APOL1: variants seen among roughly 807,000 people sequenced by gnomAD.
APOL1 encodes the protein apolipoprotein L 1.
Under a neutral mutation model 14.9 loss-of-function variants are expected in APOL1, and 17 were observed. That is an observed-to-expected ratio of 1.14 (90% CI 0.78 to 1.71). The LOEUF is 1.71. Among genes scored for constraint, APOL1 ranks in the 40% most tolerant of loss-of-function variants. The pLI is 0.00. For missense variants in APOL1, 523 were observed against 485.9 expected, an observed-to-expected ratio of 1.08 and a Z score of -0.72; for synonymous variants, 195 against 184.8, an observed-to-expected ratio of 1.05 and a Z score of -0.45.
At chr22:36,254,235 A>AG (rs1037314804) in intron 1 of APOL1, among the ~76,000 whole-genome samples, 2 of 151,886 alleles carry the variant, frequency 1.3e-5, no homozygotes, top group Non-Finnish European at 1.5e-5. Context: ...CCATGAAATC[A>AG]GGGGGGTAAT....
At chr22:36,260,398 A>C (rs9622362) in intron 4 of APOL1, among the ~76,000 whole-genome samples, 23,009 of 151,890 alleles carry the variant, frequency 0.15, 5,958 homozygotes, top group African/African-American at 0.53. Context: ...CCATCCCCCC[A>C]AAAAAAAGAA....
intron 4 of APOL1, chr22:36,259,871 T>G: frequency 7.7e-7 from 1 of 1,303,968 alleles, no homozygotes; most frequent in South Asian, 1.2e-5. Flanking sequence ...TTGTACTCAA[T>G]GCTGTGGAGT....
In APOL1 at chr22:36,265,498, C is replaced by G. The variant is rs770867795; in HGVS notation, c.662C>G (p.Thr221Ser). The G allele has an allele frequency of 1.2e-6, 2 of 1,613,970 alleles. No homozygotes were observed. Among genetic ancestry groups the G allele is most frequent in the Admixed American group, 3.3e-5 (2 of 59,992 alleles). ...GMELGITAAL[T>S]GITSSTMDYG... is the part of the protein sequence containing the mutation. The stretch of plus-strand genomic sequence containing the variant: ...GAGTTGGGAATCACAGCCGCTTTGA[C>G]CGGGATTACCAGCAGTACCATGGAC... Residue 221 changes from threonine (T) to serine (S), a missense_variant, in exon 6 of 6, where the codon ACC (threonine) becomes AGC (serine). Thr to Ser is a moderately conservative substitution (Grantham distance 58). Transcript: ENST00000397278.
At position 36,266,030 on chromosome 22, in the gene APOL1, G is replaced by A; in HGVS notation, c.1194G>A (p.Leu398=). ...AGATTCTGCAGGCGGACCAAGAACTGTGACCACAGGGCAGGGCAGCCACCA... is the reference window on the plus strand; with the variant it reads ...AGATTCTGCAGGCGGACCAAGAACTATGACCACAGGGCAGGGCAGCCACCA... The part of the protein sequence containing the change: ...NYKILQADQE[L] Residue 398 remains leucine (L), a synonymous_variant, in exon 6 of 6, where the codon CTG becomes CTA. Coordinates refer to ENST00000397278, the MANE Select transcript of APOL1 (RefSeq NM_003661.4). 6.2e-7 allele frequency: 1 copy of A among 1,602,092 alleles called. No homozygotes were observed. Among genetic ancestry groups the A allele is most frequent in the African/African-American group, 1.3e-5 (1 of 74,792 alleles).
In APOL1 at chr22:36,253,891, G is replaced by A. The variant is rs988183888; in HGVS notation, c.-20+672G>A. 4.8e-5 allele frequency: 77 copies of A among 1,587,942 alleles called. No homozygotes were observed. In the East Asian group the frequency reaches 6.0e-4, roughly 12 times the overall value. ...CTGTGCTGTGTCCCTAATGGGAAAC[G>A]TGGCTGAGACAGGGGAGTGAGAAGG... On this transcript the variant is annotated intron_variant, in intron 1 of 5. Transcript: ENST00000397278.
At chr22:36,256,578 G>A (rs943505723) in intron 2 of APOL1, among the ~76,000 whole-genome samples, 19 of 152,194 alleles carry the variant, frequency 1.2e-4, no homozygotes, top group Non-Finnish European at 8.8e-5. Flanking sequence ...GAATCTTAGA[G>A]AAGCAACGGG....
At chr22:36,254,827 C>T (rs987516961) in intron 1 of APOL1, 110 bp from the exon 2 acceptor site, 21 of 1,417,844 alleles carry the variant, frequency 1.5e-5, no homozygotes, top group African/African-American at 1.4e-4. Flanking sequence ...CGCCCCACTG[C>T]ACTCCAGCCT....
In APOL1 at chr22:36,266,079, C is replaced by G. The variant is rs771169955; in HGVS notation, c.*46C>G. The G allele has an allele frequency of 6.5e-7, 1 of 1,530,840 alleles. No homozygotes were observed. The highest frequency in any genetic ancestry group is 8.7e-7 in the Non-Finnish European group (1 of 1,143,200). 94.8% of individuals were successfully genotyped at this position (1,530,840 alleles called of 1,614,324 possible). ...CAGGAGAGATATGCCTGGCAGGGGCCAGGACAAAATGCAAACTTTTTTTTT... is the reference window on the plus strand; with the variant it reads ...CAGGAGAGATATGCCTGGCAGGGGCGAGGACAAAATGCAAACTTTTTTTTT... On this transcript the variant is annotated 3_prime_UTR_variant, in exon 6 of 6. Coordinates refer to ENST00000397278, the MANE Select transcript of APOL1 (RefSeq NM_003661.4).
Position 36,265,445 on chromosome 22 carries a change from C to A in APOL1, c.609C>A (p.Gly203=), listed in dbSNP as rs1416268394. ...GMGLAPFTEG[G]SLVLLEPGME... ...GTCTGGCACCCTTCACAGAGGGAGG[C>A]AGCCTTGTACTCTTGGAACCTGGGA... Residue 203 remains glycine, a synonymous_variant, in exon 6 of 6, where the codon GGC becomes GGA. Transcript: ENST00000397278. The A allele has an allele frequency of 6.2e-7, 1 of 1,614,158 alleles. No homozygotes were observed. Among genetic ancestry groups the A allele is most frequent in the African/African-American group, 1.3e-5 (1 of 75,024 alleles).
Position 36,265,968 on chromosome 22 carries a change from C to T in APOL1, c.1132C>T (p.Leu378=). The change falls in exon 6 of 6, where the codon CTG becomes TTG. Residue 378 remains leucine (L), a synonymous_variant. Coordinates refer to ENST00000397278, the MANE Select transcript of APOL1 (RefSeq NM_003661.4). Reference sequence around the variant, plus strand: ...GGAGCTGAAGAAGGTGGCTCAGGAGCTGGAGGAGAAGCTAAACATTCTCAA... The same window carrying T: ...GGAGCTGAAGAAGGTGGCTCAGGAGTTGGAGGAGAAGCTAAACATTCTCAA... The part of the protein sequence containing the change: ...AEELKKVAQE[L]EEKLNILNNN... 2.5e-6 allele frequency: 4 copies of T among 1,613,898 alleles called. No individual in the cohort carries two copies. Among genetic ancestry groups the T allele is most frequent in the Non-Finnish European group, 3.4e-6 (4 of 1,179,996 alleles).
Position 36,265,348 on chromosome 22 carries a change from G to A in APOL1, c.512G>A (p.Gly171Asp). Residue 171 changes from glycine to aspartate, a missense_variant, in exon 6 of 6, where the codon GGC (glycine) becomes GAC (aspartate). Coordinates refer to ENST00000397278, the MANE Select transcript of APOL1 (RefSeq NM_003661.4). ...LADGVQKVHK[G>D]TTIANVVSGS... ...GATGGGGTTCAGAAGGTCCACAAAG[G>A]CACCACCATCGCCAATGTGGTGTCT... The A allele has an allele frequency of 6.2e-7, 1 of 1,611,582 alleles. No individual in the cohort carries two copies. The highest frequency in any genetic ancestry group is 8.5e-7 in the Non-Finnish European group (1 of 1,178,452).
chr22:36,253,523 T>C (rs976244972), intron 1 of APOL1, among the ~76,000 whole-genome samples: 1 of 152,032 alleles, frequency 6.6e-6, no homozygotes, highest in African/African-American at 2.4e-5. Flanking sequence ...TTTGGGAAAT[T>C]TGAAGGAACC....
Position 36,266,851 on chromosome 22 carries a change from G to A in APOL1, c.*818G>A, listed in dbSNP as rs1447324416. 1 of 255,914 alleles carries A rather than the reference G, an allele frequency of 3.9e-6. No homozygotes were observed. Among genetic ancestry groups the A allele is most frequent in the Non-Finnish European group, 7.4e-6 (1 of 135,892 alleles). 15.9% of individuals were successfully genotyped at this position (255,914 alleles called of 1,614,324 possible). ...ACCTGGGAGGTGGAGCTTGCAGTGA[G>A]CCGAGATATCGCCACTGCACTCCAG... On this transcript the variant is annotated 3_prime_UTR_variant, in exon 6 of 6. Transcript: ENST00000397278.
At position 36,253,825 on chromosome 22, in the gene APOL1, T is replaced by A. The variant is rs1432443951; in HGVS notation, c.-20+606T>A. On this transcript the variant is annotated intron_variant, in intron 1 of 5. Transcript: ENST00000397278. ...TCCACGTCTCTGGCCCTCACCTCTG[T>A]CCCTCTGTTCAGACTTCTGGGGTGA... 6 of 1,038,800 alleles carry A rather than the reference T, an allele frequency of 5.8e-6. No individual in the cohort carries two copies. In the East Asian group the frequency reaches 1.5e-4, roughly 25 times the overall value. 64.3% of individuals were successfully genotyped at this position (1,038,800 alleles called of 1,614,324 possible).
At position 36,266,548 on chromosome 22, in the gene APOL1, T is replaced by C. The variant is rs2016267281; in HGVS notation, c.*515T>C. ...AAGGCAGGAACATTGGAGCCTGCAA[T>C]AAGGGAAAAATGGGAACTGGAGAGT... On this transcript the variant is annotated 3_prime_UTR_variant, in exon 6 of 6. Transcript: ENST00000397278. The C allele has an allele frequency of 2.5e-6, 1 of 398,928 alleles. No individual in the cohort carries two copies. Among genetic ancestry groups the C allele is most frequent in the Admixed American group, 4.4e-5 (1 of 22,688 alleles). The allele number at this position is 398,928 out of a possible 1,614,324, so 24.7% of individuals were successfully genotyped here.
rs9610468 is a variant in APOL1, at chr22:36,254,910, G to A, written c.-19-27G>A. The A allele has an allele frequency of 0.17, 278,596 of 1,612,258 alleles. 25,788 individuals carry two copies. Among genetic ancestry groups the A allele is most frequent in the Non-Finnish European group, 0.19 (223,246 of 1,178,460 alleles). ...GGTGATTTCTCAGGAGGAGCACACT[G>A]TCTCAACCCCTCTTTTCCTGCTCAA... is the stretch of plus-strand genomic sequence containing the variant. On this transcript the variant is annotated intron_variant, in intron 1 of 5. Coordinates refer to ENST00000397278, the MANE Select transcript of APOL1 (RefSeq NM_003661.4).
chr22:36,261,777 C>T, intron 5 of APOL1, 55 bp downstream of exon 5: 1 of 1,570,340 alleles, frequency 6.4e-7, no homozygotes. Flanking sequence ...ACCCAGCTCT[C>T]CCCTGGGCTA....
At chr22:36,253,358 T>A (rs922615441) in intron 1 of APOL1, 139 bp downstream of exon 1, 9 of 258,526 alleles carry the variant, frequency 3.5e-5, no homozygotes, top group Non-Finnish European at 6.2e-5. Flanking sequence ...TGAGTCTGAT[T>A]GCTTCCCCTC....
intron 4 of APOL1, among the ~76,000 whole-genome samples, chr22:36,259,235 G>C (rs1355073556): frequency 1.3e-5 from 2 of 152,108 alleles, no homozygotes; most frequent in African/African-American, 4.8e-5. Flanking sequence ...AATGTTTCAG[G>C]GCTGGTTTTT....
Sources: allele counts gnomAD v4.1 joint callset (sites outside exome capture counted in the v4.1 genomes callset), GRCh38; gene constraint gnomAD v4.1.1; transcripts MANE v1.5; gene names NCBI Gene and HGNC (gene_info 2026-07-23, HGNC 2026-07-21).